DEPDC5: variants seen among roughly 807,000 people sequenced by gnomAD.
DEPDC5 encodes GATOR1 complex protein DEPDC5.
Under a neutral mutation model 217.3 loss-of-function variants are expected in DEPDC5, and 73 were observed. The observed-to-expected ratio is 0.34, with a 90% CI of 0.28 to 0.41. The LOEUF (loss-of-function observed/expected upper bound fraction) is 0.41. Among genes scored for constraint, DEPDC5 ranks in the 10% least tolerant of loss-of-function variants. The pLI is 1.00. For synonymous variants in DEPDC5, 733 were observed against 756.7 expected (o/e 0.97, Z 0.51); for missense variants, 1,675 against 2,070.1 (o/e 0.81, Z 3.70).
rs2093205323 is a variant in DEPDC5, at chr22:31,882,573, G to A, written c.4033+2821G>A. Among the ~76,000 whole-genome samples, 3 of 152,162 alleles carry A rather than the reference G, an allele frequency of 2.0e-5. No individual in the cohort carries two copies. The South Asian group carries it at 6.2e-4, about 32-fold the overall frequency. On this transcript the variant is annotated intron_variant, in intron 38 of 42. Transcript: ENST00000651528. The stretch of plus-strand genomic sequence containing the variant: ...AGCATATTTACTCCACTGATTTCTT[G>A]GAAGTGTGTTTACAGATCTCTTGGT...
chr22:31,803,348 C>CTACAG (rs1306090571), intron 15 of DEPDC5, among the ~76,000 whole-genome samples: 1 of 151,976 alleles, frequency 6.6e-6, no homozygotes. Flanking sequence ...GTAGCTGGGA[C>CTACAG]TACAGGCATC....
At chr22:31,893,905 C>T in intron 39 of DEPDC5, 154 bp downstream of exon 39, 1 of 917,074 alleles carries the variant, frequency 1.1e-6, no homozygotes, top group South Asian at 2.6e-5. Context: ...AAAATTTAAA[C>T]ATAGTAAAAA....
intron 32 of DEPDC5, 189 bp downstream of exon 32, chr22:31,857,742 A>G (rs1602474709): frequency 4.0e-6 from 2 of 497,342 alleles, no homozygotes; most frequent in East Asian, 6.9e-5. Flanking sequence ...CACAGTTGTA[A>G]GGAAGCTAAC....
In DEPDC5 at chr22:31,806,119, C is replaced by A; in HGVS notation, c.1218-3C>A. The A allele has an allele frequency of 6.2e-7, 1 of 1,610,448 alleles. No individual in the cohort carries two copies. The highest frequency in any genetic ancestry group is 1.1e-5 in the South Asian group (1 of 90,738). Reference sequence around the variant, plus strand: ...TTAATGACTCTGTTTGTTTCTTTTACAGTTTCTACACATCCAAAAGCCAGC... The same window carrying A: ...TTAATGACTCTGTTTGTTTCTTTTAAAGTTTCTACACATCCAAAAGCCAGC... On this transcript the variant is annotated splice_polypyrimidine_tract_variant and splice_region_variant and intron_variant, in intron 17 of 42. Transcript: ENST00000651528.
At chr22:31,814,476 T>TTG (rs149257882) in intron 20 of DEPDC5, 8 of 154,720 alleles carry the variant, frequency 5.2e-5, no homozygotes, top group Non-Finnish European at 7.2e-5. Flanking sequence ...ATAATGCCTT[T>TTG]TGTGTGTGTG....
rs1412306820 is a variant in DEPDC5 at position 31,780,861 on chromosome 22, G to A, written c.483+2693G>A. ...CCACTGTTCTCTGGCATGTCTACTG[G>A]CACCTAGTAGTCTCTCAAATGTTGG... On this transcript the variant is annotated intron_variant, in intron 8 of 42. Transcript: ENST00000651528. 3.3e-5 allele frequency among the ~76,000 whole-genome samples: 5 copies of A among 152,248 alleles called. No homozygotes were observed. The East Asian group carries it at 9.6e-4, about 29-fold the overall frequency.
At chr22:31,865,073 G>A (rs981705360) in intron 33 of DEPDC5, among the ~76,000 whole-genome samples, 3 of 141,848 alleles carry the variant, frequency 2.1e-5, no homozygotes, top group African/African-American at 9.5e-5. Context: ...TGATCTACCC[G>A]CCTCGGCCTC....
intron 9 of DEPDC5, 178 bp from the exon 10 acceptor site, chr22:31,784,636 A>AAT: frequency 4.3e-6 from 2 of 461,158 alleles, no homozygotes; most frequent in Non-Finnish European, 7.7e-6. Flanking sequence ...AAAAAAAAAA[A>AAT]GATGTACAAA....
chr22:31,794,242 A>G (rs760187389), intron 12 of DEPDC5, among the ~76,000 whole-genome samples: 6 of 152,128 alleles, frequency 3.9e-5, no homozygotes, highest in Non-Finnish European at 8.8e-5. Flanking sequence ...GTGATGGGCC[A>G]TCTGCTGTAC....
chr22:31,872,433 T>G (rs1255933199), intron 34 of DEPDC5, among the ~76,000 whole-genome samples: 1 of 152,158 alleles, frequency 6.6e-6, no homozygotes, highest in African/African-American at 2.4e-5. Flanking sequence ...ACATCAGCCC[T>G]CAAAGACAGG....
chr22:31,851,926 C>G (rs2092049014), intron 31 of DEPDC5, among the ~76,000 whole-genome samples: 1 of 152,144 alleles, frequency 6.6e-6, no homozygotes. Context: ...CGTGGTGGCT[C>G]ACGCCTGTAA....
rs983360029 is a variant in DEPDC5, at chr22:31,882,496, C to T, written c.4033+2744C>T. ...ATTTCAAATATTCAAATAAATGCCA[C>T]GAATCCAAGTGACACCTCCTTGTAG... On this transcript the variant is annotated intron_variant, in intron 38 of 42. Transcript: ENST00000651528. Among the ~76,000 whole-genome samples, 5 of 152,170 alleles carry T rather than the reference C, an allele frequency of 3.3e-5. No individual in the cohort carries two copies. The South Asian group carries it at 1.0e-3, about 31-fold the overall frequency.
chr22:31,831,092 A>G (rs944475866), intron 24 of DEPDC5: 2 of 147,856 alleles, frequency 1.4e-5, no homozygotes, highest in Non-Finnish European at 3.0e-5. Context: ...GCTTTTGGCT[A>G]TTGACAAAGA....
intron 19 of DEPDC5, among the ~76,000 whole-genome samples, 193 bp downstream of exon 19, chr22:31,809,840 G>C (rs913998906): frequency 6.6e-6 from 1 of 152,108 alleles, no homozygotes; most frequent in African/African-American, 2.4e-5. Context: ...AAATTAGCTG[G>C]GTGTGATGGT....
At chr22:31,859,021 G>A (rs1569129073) in intron 32 of DEPDC5, 1 of 149,282 alleles carries the variant, frequency 6.7e-6, no homozygotes, top group Admixed American at 6.7e-5. Flanking sequence ...GCAAAGCAAA[G>A]CTATTGTGTA....
intron 2 of DEPDC5, among the ~76,000 whole-genome samples, chr22:31,756,077 T>G (rs2081913951): frequency 6.6e-6 from 1 of 150,440 alleles, no homozygotes; most frequent in Non-Finnish European, 1.5e-5. Context: ...TAGAGAGGGT[T>G]TCACCATGTT....
At chr22:31,815,983 C>G (rs2089056057) in intron 21 of DEPDC5, 1 of 988,292 alleles carries the variant, frequency 1.0e-6, no homozygotes, top group Non-Finnish European at 1.2e-6. Flanking sequence ...AAAACAACCT[C>G]TGTCTTAATG....
chr22:31,885,724 CAAAAA>C (rs1172720967), intron 38 of DEPDC5, among the ~76,000 whole-genome samples: 1 of 62,280 alleles, frequency 1.6e-5, no homozygotes. Flanking sequence ...GACTCCATCT[CAAAAA>C]AAAAAAAAAA....
chr22:31,822,725 T>A lies in DEPDC5; in HGVS notation c.2039T>A (p.Met680Lys). 1 of 1,614,178 alleles carries A rather than the reference T, an allele frequency of 6.2e-7. No individual in the cohort carries two copies. Among genetic ancestry groups the A allele is most frequent in the Non-Finnish European group, 8.5e-7 (1 of 1,180,002 alleles). Residue 680 changes from methionine (M) to lysine (K), a missense_variant, in exon 24 of 43, where the codon ATG (methionine) becomes AAG (lysine). Transcript: ENST00000651528. ...AATTCCCGCCAGCCTGGTGACGGCATGTCCTTCTTGAACTTCAGTGGAACA... is the reference window on the plus strand; with the variant it reads ...AATTCCCGCCAGCCTGGTGACGGCAAGTCCTTCTTGAACTTCAGTGGAACA... ...HSNSRQPGDG[M>K]SFLNFSGTEE... is the part of the protein sequence containing the mutation.
Sources: allele counts gnomAD v4.1 joint callset (sites outside exome capture counted in the v4.1 genomes callset), GRCh38; gene constraint gnomAD v4.1.1; transcripts MANE v1.5; gene names NCBI Gene and HGNC (gene_info 2026-07-23, HGNC 2026-07-21).